Variants in DYM observed in about 807,000 individuals in gnomAD.
DYM encodes the protein dymeclin, also known as dyggve-Melchior-Clausen syndrome protein.
In DYM, 78 loss-of-function variants were observed where a neutral mutation model predicts 93.1. That is an observed-to-expected ratio of 0.84 (90% CI 0.70 to 1.01). The LOEUF is 1.01. Among genes scored for constraint, DYM ranks in the 50% least tolerant of loss-of-function variants. The probability of loss-of-function intolerance (pLI) is 0.00; values close to 1 mark genes in which losing one functional copy is unlikely to be tolerated. For missense variants in DYM, 789 were observed against 845.0 expected (o/e 0.93, Z 0.82); for synonymous variants, 321 against 319.7 (o/e 1.00, Z -0.04).
intron 13 of DYM, among the ~76,000 whole-genome samples, chr18:49,221,986 T>TAAA (rs56665546): frequency 6.7e-6 from 1 of 150,076 alleles, no homozygotes; most frequent in African/African-American, 2.5e-5. Context: ...TGTTATTTTA[T>TAAA]AAAAAAAAAA....
At chr18:49,267,775 G>A (rs1459293867) in intron 11 of DYM, among the ~76,000 whole-genome samples, 1 of 152,106 alleles carries the variant, frequency 6.6e-6, no homozygotes, top group African/African-American at 2.4e-5. Flanking sequence ...GCGTGTGCCT[G>A]TAGTCCCAGC....
At chr18:49,321,101 A>C in intron 8 of DYM, 1 of 322,894 alleles carries the variant, frequency 3.1e-6, no homozygotes, top group African/African-American at 2.1e-5. Flanking sequence ...TTTTTCAAAG[A>C]ATAAGATTTA....
At chr18:49,111,249 G>C (rs2081364191) in intron 16 of DYM, among the ~76,000 whole-genome samples, 1 of 151,810 alleles carries the variant, frequency 6.6e-6, no homozygotes, top group Non-Finnish European at 1.5e-5. Flanking sequence ...TTCACAGGCT[G>C]TACAAAGGCA....
chr18:49,425,289 G>A (rs977048850), intron 2 of DYM, among the ~76,000 whole-genome samples: 11 of 152,118 alleles, frequency 7.2e-5, no homozygotes, highest in Admixed American at 2.0e-4. Flanking sequence ...AACAAGCAAT[G>A]GGGAAAGGAT....
intron 8 of DYM, among the ~76,000 whole-genome samples, chr18:49,327,879 G>A (rs1344422432): frequency 1.3e-5 from 2 of 152,130 alleles, no homozygotes; most frequent in Non-Finnish European, 2.9e-5. Flanking sequence ...CACAGATGTT[G>A]GATGGCGCTC....
chr18:49,223,920 A>G (rs760617664), intron 13 of DYM, among the ~76,000 whole-genome samples: 3 of 152,228 alleles, frequency 2.0e-5, no homozygotes, highest in South Asian at 2.1e-4. Flanking sequence ...CCTTCATTCT[A>G]GGAACAATGG....
intron 3 of DYM, among the ~76,000 whole-genome samples, chr18:49,381,826 T>A (rs1343512164): frequency 6.6e-6 from 1 of 152,024 alleles, no homozygotes; most frequent in African/African-American, 2.4e-5. Context: ...GTTAAGAGTT[T>A]CACTTTGAAA....
intron 5 of DYM, among the ~76,000 whole-genome samples, chr18:49,373,226 A>G (rs952985398): frequency 6.6e-6 from 1 of 152,182 alleles, no homozygotes; most frequent in Non-Finnish European, 1.5e-5. Context: ...CGTGCAAGAA[A>G]GAATTCAGGA....
At chr18:49,416,648 T>A (rs1026871893) in intron 2 of DYM, among the ~76,000 whole-genome samples, 6 of 152,196 alleles carry the variant, frequency 3.9e-5, no homozygotes, top group Non-Finnish European at 8.8e-5. Flanking sequence ...TACACAGTAA[T>A]AGAAATTCAG....
At position 49,146,281 on chromosome 18, in the gene DYM, C is replaced by G. The variant is rs539495988; in HGVS notation, c.1728+17404G>C. ...CTGGAAGCATTCCCTTTGAAAACTG[C>G]CACAAGACAGGGATGCCTTCTCTCA... is the stretch of plus-strand genomic sequence containing the variant. On this transcript the variant is annotated intron_variant, in intron 15 of 17. Coordinates refer to ENST00000675505, the MANE Select transcript of DYM (RefSeq NM_001353214.3). Among the ~76,000 whole-genome samples the G allele has an allele frequency of 2.2e-4, 34 of 152,282 alleles. 1 individual carries two copies. The South Asian group carries it at 2.3e-3, about 10-fold the overall frequency.
chr18:49,342,192 G>A (rs1241492913), intron 6 of DYM, among the ~76,000 whole-genome samples: 1 of 152,110 alleles, frequency 6.6e-6, no homozygotes, highest in Admixed American at 6.5e-5. Flanking sequence ...GCAATTCTTG[G>A]CTTCTAGGGG....
chr18:49,064,973 T>C (rs2076272765), intron 17 of DYM, among the ~76,000 whole-genome samples: 1 of 151,848 alleles, frequency 6.6e-6, no homozygotes, highest in Non-Finnish European at 1.5e-5. Context: ...TATTAACAAA[T>C]TGTTTTCTCA....
chr18:49,233,961 CT>C (rs918513712), intron 13 of DYM, among the ~76,000 whole-genome samples: 1 of 151,912 alleles, frequency 6.6e-6, no homozygotes, highest in African/African-American at 2.4e-5. Flanking sequence ...CCCGTCTCTA[CT>C]AAAAAAAATA....
intron 17 of DYM, among the ~76,000 whole-genome samples, chr18:49,077,907 CT>C (rs2077443457): frequency 6.6e-6 from 1 of 152,132 alleles, no homozygotes. Flanking sequence ...ACAATTCTTG[CT>C]TTTTAATGAG....
At chr18:49,367,537 C>T (rs1317848185) in intron 5 of DYM, among the ~76,000 whole-genome samples, 2 of 152,136 alleles carry the variant, frequency 1.3e-5, no homozygotes, top group Non-Finnish European at 2.9e-5. Flanking sequence ...AATCAAATGC[C>T]TTCCAACACA....
chr18:49,423,183 T>G (rs1019059035), intron 2 of DYM, among the ~76,000 whole-genome samples: 18 of 152,272 alleles, frequency 1.2e-4, no homozygotes, highest in Non-Finnish European at 2.2e-4. Context: ...ACAGAAATTA[T>G]AACAAACTGT....
intron 1 of DYM, 42 bp from the exon 2 acceptor site, chr18:49,430,489 T>C: frequency 6.8e-7 from 1 of 1,464,248 alleles, no homozygotes; most frequent in Non-Finnish European, 9.4e-7. Context: ...TGTTCAAAAG[T>C]CATCATGCTT....
rs116941584 is a variant in DYM, at chr18:49,354,738, A to G, written c.494+8423T>C. Among the ~76,000 whole-genome samples the G allele has an allele frequency of 6.1e-3, 926 of 152,234 alleles. 3 individuals are homozygous for G. The highest frequency in any genetic ancestry group is 1.0e-2 in the Non-Finnish European group (678 of 67,950). ...TTAAAACAATGAGATACCACTACAC[A>G]TCTATTCAAATGCCAAAATTTAAAA... is the stretch of plus-strand genomic sequence containing the variant. On this transcript the variant is annotated intron_variant, in intron 6 of 17. Coordinates refer to ENST00000675505, the MANE Select transcript of DYM (RefSeq NM_001353214.3).
intron 2 of DYM, among the ~76,000 whole-genome samples, chr18:49,408,433 T>G (rs2071783272): frequency 6.6e-6 from 1 of 152,204 alleles, no homozygotes; most frequent in South Asian, 2.1e-4. Context: ...GTCCTTAACA[T>G]AAATCTGGAA....
Sources: allele counts gnomAD v4.1 joint callset (sites outside exome capture counted in the v4.1 genomes callset), GRCh38; gene constraint gnomAD v4.1.1; transcripts MANE v1.5; gene names NCBI Gene and HGNC (gene_info 2026-07-23, HGNC 2026-07-21).